The following CCND2 variants were observed in gnomAD, a reference collection of about 807,000 sequenced individuals.
CCND2 encodes the protein cyclin D2.
CCND2 carries 6 observed loss-of-function variants against 30.2 expected under a neutral mutation model. That is an observed-to-expected ratio of 0.20 (90% CI 0.11 to 0.39). The LOEUF is 0.39. Ranked by LOEUF, CCND2 falls within the 10% of genes least tolerant of loss-of-function variation. The probability of loss-of-function intolerance (pLI) is 1.00; values close to 1 mark genes in which losing one functional copy is unlikely to be tolerated. For synonymous variants in CCND2, 150 were observed against 153.1 expected (o/e 0.98, Z 0.15); for missense variants, 235 against 373.4 (o/e 0.63, Z 3.06).
At position 4,302,130 on chromosome 12, in the gene CCND2, C is replaced by CTGA. The variant is rs1864258960; in HGVS notation, c.*2122_*2124dup. Reference sequence around the variant, plus strand: ...GAATACAGAAGCAGTGTGAGCAGGGCTGACTCCCTCTCAGGTGGAAGGCAG... The same window carrying CTGA: ...GAATACAGAAGCAGTGTGAGCAGGGCTGATGACTCCCTCTCAGGTGGAAGGCAG... On this transcript the variant is annotated 3_prime_UTR_variant, in exon 5 of 5. Coordinates refer to ENST00000261254, the MANE Select transcript of CCND2 (RefSeq NM_001759.4). 4.3e-6 allele frequency: 1 copy of CTGA among 233,028 alleles called. No individual in the cohort carries two copies. Among genetic ancestry groups the CTGA allele is most frequent in the Non-Finnish European group, 8.5e-6 (1 of 117,788 alleles). 14.4% of individuals were successfully genotyped at this position (233,028 alleles called of 1,614,324 possible).
intron 3 of CCND2, among the ~76,000 whole-genome samples, chr12:4,283,150 C>G (rs949026641): frequency 1.3e-5 from 2 of 152,200 alleles, no homozygotes; most frequent in African/African-American, 4.8e-5. Flanking sequence ...TGGTAAAATC[C>G]TACCAAGAAG....
chr12:4,278,169 C>G (rs1863899320), intron 2 of CCND2, among the ~76,000 whole-genome samples: 1 of 152,182 alleles, frequency 6.6e-6, no homozygotes, highest in Non-Finnish European at 1.5e-5. Flanking sequence ...GTGTCACATC[C>G]CCAGAATTTC....
intron 3 of CCND2, 63 bp from the exon 4 acceptor site, chr12:4,288,779 C>T: frequency 4.6e-6 from 7 of 1,530,958 alleles, no homozygotes; most frequent in Non-Finnish European, 5.3e-6. Flanking sequence ...TCTCTGCAGT[C>T]TCGGGAGCTC....
At position 4,304,658 on chromosome 12, in the gene CCND2, A is replaced by G. The variant is rs1864292276; in HGVS notation, c.*4649A>G. ...CCTATTCTCGGCTCAGGTTTTGAGA[A>G]GCCATCAGCAAATGTGTACGTGCAT... On this transcript the variant is annotated 3_prime_UTR_variant, in exon 5 of 5. Coordinates refer to ENST00000261254, the MANE Select transcript of CCND2 (RefSeq NM_001759.4). This position sits in a 1 kb window ranked among gnomAD's most constrained non-coding sequence, Gnocchi z 6.2. The G allele has an allele frequency of 4.3e-6, 1 of 233,616 alleles. No individual in the cohort carries two copies. The highest frequency in any genetic ancestry group is 8.5e-6 in the Non-Finnish European group (1 of 118,066). 14.5% of individuals were successfully genotyped at this position (233,616 alleles called of 1,614,324 possible).
chr12:4,292,903 G>T (rs1382374480), intron 4 of CCND2, among the ~76,000 whole-genome samples: 1 of 152,158 alleles, frequency 6.6e-6, no homozygotes, highest in Non-Finnish European at 1.5e-5. Flanking sequence ...CACTAGTCGG[G>T]CTGCGTGCCA....
rs1466024683 is a variant in CCND2 at position 4,299,870 on chromosome 12, A to G, written c.731A>G (p.Lys244Arg). Residue 244 changes from lysine to arginine, a missense_variant, in exon 5 of 5, where the codon AAA becomes AGA. Coordinates refer to ENST00000261254, the MANE Select transcript of CCND2 (RefSeq NM_001759.4). This position sits in a 1 kb window ranked among gnomAD's most constrained non-coding sequence, Gnocchi z 5.2. ...KITNTDVDCL[K>R]ACQEQIEAVL... ...GGACCATTGTTCTAGGATTGTCTCAAAGCTTGCCAGGAGCAGATTGAGGCG... is the reference window on the plus strand; with the variant it reads ...GGACCATTGTTCTAGGATTGTCTCAGAGCTTGCCAGGAGCAGATTGAGGCG... 4 of 1,614,112 alleles carry G rather than the reference A, an allele frequency of 2.5e-6. No individual in the cohort carries two copies. Among genetic ancestry groups the G allele is most frequent in the Admixed American group, 1.7e-5 (1 of 60,012 alleles).
chr12:4,275,883 C>T, intron 1 of CCND2, 122 bp from the exon 2 acceptor site: 2 of 619,056 alleles, frequency 3.2e-6, no homozygotes, highest in African/African-American at 1.8e-5. Flanking sequence ...TCCCCTCCCC[C>T]TCCCACAAAA....
At chr12:4,281,252 C>T (rs1292089683) in intron 3 of CCND2, among the ~76,000 whole-genome samples, 1 of 152,216 alleles carries the variant, frequency 6.6e-6, no homozygotes, top group Admixed American at 6.5e-5. Context: ...TGCTTTCCCT[C>T]ATCTGCACTT....
At position 4,300,394 on chromosome 12, in the gene CCND2, TGTA is replaced by T. The variant is rs1422598790; in HGVS notation, c.*389_*391del. The stretch of plus-strand genomic sequence containing the variant: ...TTATGAGCTAGCACATACACCCCCT[TGTA>T]GTATAATTTCAAGGAACTGTGTACG... On this transcript the variant is annotated 3_prime_UTR_variant, in exon 5 of 5. Transcript: ENST00000261254. 1 of 245,966 alleles carries T rather than the reference TGTA, an allele frequency of 4.1e-6. No homozygotes were observed. The allele number at this position is 245,966 out of a possible 1,614,324, so 15.2% of individuals were successfully genotyped here.
chr12:4,285,466 A>G lies in CCND2; in HGVS notation c.572-3376A>G. 10 of 971,422 alleles carry G rather than the reference A, an allele frequency of 1.0e-5. No homozygotes were observed. The highest frequency in any genetic ancestry group is 1.2e-5 in the Non-Finnish European group (10 of 817,092). The allele number at this position is 971,422 out of a possible 1,614,324, so 60.2% of individuals were successfully genotyped here. The stretch of plus-strand genomic sequence containing the variant: ...TTTATTTGTTAAAATAATATTACGT[A>G]CAAATTTTACAAACTCATCTGTGTT... On this transcript the variant is annotated intron_variant, in intron 3 of 4. Coordinates refer to ENST00000261254, the MANE Select transcript of CCND2 (RefSeq NM_001759.4). The surrounding 1 kb of genome is among the most constrained non-coding windows in gnomAD (Gnocchi z 4.1).
rs912755163 is a variant in CCND2, at chr12:4,299,369, T to C, written c.721-491T>C. 1.3e-5 allele frequency among the ~76,000 whole-genome samples: 2 copies of C among 152,212 alleles called. No homozygotes were observed. Among genetic ancestry groups the C allele is most frequent in the African/African-American group, 4.8e-5 (2 of 41,442 alleles). ...AGTGAGAAAAAGTATTTACAGTTTA[T>C]GTGAGGGTCAGTACGTTGGTTCATT... On this transcript the variant is annotated intron_variant, in intron 4 of 4. Coordinates refer to ENST00000261254, the MANE Select transcript of CCND2 (RefSeq NM_001759.4). The surrounding 1 kb of genome is among the most constrained non-coding windows in gnomAD (Gnocchi z 5.2).
At chr12:4,280,556 T>C (rs1276281884) in intron 3 of CCND2, among the ~76,000 whole-genome samples, 1 of 152,224 alleles carries the variant, frequency 6.6e-6, no homozygotes, top group African/African-American at 2.4e-5. Context: ...CTGCTGCCTT[T>C]TGGATAGTGG....
intron 4 of CCND2, among the ~76,000 whole-genome samples, chr12:4,296,731 C>G (rs1488687195): frequency 1.3e-5 from 2 of 151,824 alleles, no homozygotes; most frequent in Non-Finnish European, 2.9e-5. Context: ...TTGTAAACAT[C>G]CCCTTCAGCA....
At chr12:4,291,039 T>C (rs1864094104) in intron 4 of CCND2, among the ~76,000 whole-genome samples, 1 of 152,174 alleles carries the variant, frequency 6.6e-6, no homozygotes, top group Admixed American at 6.5e-5. Flanking sequence ...AACATGTTCA[T>C]ATTTAAAAAC....
At chr12:4,297,478 G>A (rs1162148206) in intron 4 of CCND2, among the ~76,000 whole-genome samples, 1 of 148,384 alleles carries the variant, frequency 6.7e-6, no homozygotes, top group African/African-American at 2.5e-5. Flanking sequence ...GGCTGAGGAA[G>A]GAGAATTGCT....
chr12:4,280,353 G>C (rs1261521049), intron 3 of CCND2, among the ~76,000 whole-genome samples: 1 of 152,270 alleles, frequency 6.6e-6, no homozygotes, highest in Non-Finnish European at 1.5e-5. Flanking sequence ...TTGCAGGCTT[G>C]AGTGTGGAGT....
Position 4,292,959 on chromosome 12 carries a change from G to T in CCND2, c.720+3969G>T, listed in dbSNP as rs1362905945. 2.0e-5 allele frequency among the ~76,000 whole-genome samples: 3 copies of T among 152,152 alleles called. No individual in the cohort carries two copies. In the East Asian group the frequency reaches 5.8e-4, roughly 29 times the overall value. On this transcript the variant is annotated intron_variant, in intron 4 of 4. Transcript: ENST00000261254. Reference sequence around the variant, plus strand: ...TTGTCTATAGAACCTCTTGAATAAGGCCCAGCTTTTCCTCAGCTCTTTATC... The same window carrying T: ...TTGTCTATAGAACCTCTTGAATAAGTCCCAGCTTTTCCTCAGCTCTTTATC...
At chr12:4,296,290 C>A (rs181679699) in intron 4 of CCND2, among the ~76,000 whole-genome samples, 42 of 152,258 alleles carry the variant, frequency 2.8e-4, no homozygotes, top group African/African-American at 9.6e-4. Flanking sequence ...TTGCCGGGGG[C>A]CAGAATAGAG....
chr12:4,278,107 TC>T (rs1360506084), intron 2 of CCND2, among the ~76,000 whole-genome samples: 1 of 152,254 alleles, frequency 6.6e-6, no homozygotes, highest in East Asian at 1.9e-4. Context: ...GACCATGTGG[TC>T]CTTTAGTCAT....
Sources: gnomAD v4.1 joint callset for allele counts (sites outside exome capture counted in the v4.1 genomes callset) on GRCh38, gnomAD v4.1.1 for gene constraint, Gnocchi (gnomAD v3.1) non-coding constraint, MANE v1.5 for transcripts, NCBI Gene and HGNC (gene_info 2026-07-23, HGNC 2026-07-21) for gene names.